The following NELL1 variants were observed in gnomAD, a reference collection of about 807,000 sequenced individuals.
The protein encoded by NELL1 is protein kinase C-binding protein NELL1.
A neutral mutation model predicts 107.4 loss-of-function variants in NELL1; 76 were observed. That is an observed-to-expected ratio of 0.71 (90% CI 0.59 to 0.86). The LOEUF is 0.86. NELL1 is among the 40% of genes least tolerant of loss of function. The pLI, the probability that NELL1 is intolerant of heterozygous loss-of-function variation, is 0.00. For missense variants in NELL1, 1,024 were observed against 1,005.5 expected, an observed-to-expected ratio of 1.02 and a Z score of -0.25; for synonymous variants, 353 against 341.2, an observed-to-expected ratio of 1.03 and a Z score of -0.38.
intron 3 of NELL1, among the ~76,000 whole-genome samples, chr11:20,807,194 T>G (rs1249401300): frequency 6.6e-6 from 1 of 152,142 alleles, no homozygotes; most frequent in Non-Finnish European, 1.5e-5. Context: ...TGTGAAGGCT[T>G]TCCAGGTATT....
At chr11:21,091,763 TA>T (rs1223502054) in intron 12 of NELL1, among the ~76,000 whole-genome samples, 1 of 152,070 alleles carries the variant, frequency 6.6e-6, no homozygotes, top group Non-Finnish European at 1.5e-5. Context: ...CCCCTGTGTT[TA>T]AAAAAAATTC....
chr11:20,957,500 A>G (rs149315043), intron 11 of NELL1, among the ~76,000 whole-genome samples: 127 of 152,366 alleles, frequency 8.3e-4, no homozygotes, highest in Middle Eastern at 3.4e-3. Context: ...GAGCTTACAG[A>G]TAAAAGAATA....
chr11:21,506,010 G>A (rs1326747208), intron 15 of NELL1, among the ~76,000 whole-genome samples: 1 of 152,164 alleles, frequency 6.6e-6, no homozygotes, highest in Non-Finnish European at 1.5e-5. Context: ...GCATGTCAGA[G>A]TCTCATAATA....
intron 12 of NELL1, among the ~76,000 whole-genome samples, chr11:20,981,972 C>T (rs1360752367): frequency 6.6e-6 from 1 of 151,870 alleles, no homozygotes; most frequent in Non-Finnish European, 1.5e-5. Flanking sequence ...CTCTCTCTCT[C>T]TCTCTCTCTT....
intron 12 of NELL1, among the ~76,000 whole-genome samples, chr11:20,967,767 T>G (rs1444995613): frequency 2.0e-5 from 3 of 152,168 alleles, no homozygotes; most frequent in Non-Finnish European, 4.4e-5. Context: ...TAAAGTGAGC[T>G]TTTTAAGTGT....
At chr11:21,039,128 T>C (rs927225128) in intron 12 of NELL1, among the ~76,000 whole-genome samples, 8 of 152,022 alleles carry the variant, frequency 5.3e-5, no homozygotes, top group Non-Finnish European at 1.2e-4. Context: ...GAAGGAGCTA[T>C]GTTTAAGGGA....
At chr11:21,536,934 C>T (rs1018241684) in intron 16 of NELL1, among the ~76,000 whole-genome samples, 15 of 152,104 alleles carry the variant, frequency 9.9e-5, no homozygotes, top group African/African-American at 2.9e-4. Context: ...CTGAAGGATG[C>T]GGTAAAATTC....
At chr11:20,793,858 T>A (rs1410812847) in intron 3 of NELL1, among the ~76,000 whole-genome samples, 2 of 152,108 alleles carry the variant, frequency 1.3e-5, no homozygotes, top group Admixed American at 6.6e-5. Context: ...AGTTGCAGAA[T>A]TTTTTTTCCT....
rs184010174 is a variant in NELL1 at position 21,081,518 on chromosome 11, C to T, written c.1301-32071C>T. 2.8e-4 allele frequency among the ~76,000 whole-genome samples: 43 copies of T among 152,202 alleles called. No individual in the cohort carries two copies. In the East Asian group the frequency reaches 8.1e-3, roughly 29 times the overall value. ...ACAAAATAGTGTGTCTTAAACTCAA[C>T]TTCTAACTTTCTACTCTAAATATAT... On this transcript the variant is annotated intron_variant, in intron 12 of 19. Transcript: ENST00000357134.
rs138739472 is a variant in NELL1 at position 20,862,534 on chromosome 11, C to G, written c.506+14781C>G. On this transcript the variant is annotated intron_variant, in intron 4 of 19. Coordinates refer to ENST00000357134, the MANE Select transcript of NELL1 (RefSeq NM_006157.5). ...CATTTGTGGGTTTTAACAAAGGTAT[C>G]GTGTCATCTATACAGCATCATAGTA... 5.1e-3 allele frequency among the ~76,000 whole-genome samples: 743 copies of G among 145,918 alleles called. 15 individuals carry two copies. The highest frequency in any genetic ancestry group is 0.036 in the Admixed American group (533 of 14,612).
intron 9 of NELL1, among the ~76,000 whole-genome samples, chr11:20,930,413 C>T (rs1462784485): frequency 6.6e-6 from 1 of 152,124 alleles, no homozygotes; most frequent in East Asian, 1.9e-4. Context: ...GCATAAATGT[C>T]ATTTTCATGA....
At chr11:21,082,779 C>T (rs1180108114) in intron 12 of NELL1, among the ~76,000 whole-genome samples, 2 of 152,190 alleles carry the variant, frequency 1.3e-5, no homozygotes, top group East Asian at 1.9e-4. Context: ...GTGTCTTAGT[C>T]TTCTTTGTTC....
chr11:20,720,076 C>T (rs536871388), intron 2 of NELL1, among the ~76,000 whole-genome samples: 1 of 152,206 alleles, frequency 6.6e-6, no homozygotes, highest in South Asian at 2.1e-4. Flanking sequence ...CTGCCCAAAG[C>T]CTTTTTCAGG....
At chr11:21,570,046 G>A (rs1038713859) in intron 17 of NELL1, among the ~76,000 whole-genome samples, 1 of 151,814 alleles carries the variant, frequency 6.6e-6, no homozygotes, top group African/African-American at 2.4e-5. Context: ...TACTCTTACT[G>A]CTTAAGTGCT....
At chr11:21,143,591 A>G (rs11025944) in intron 13 of NELL1, among the ~76,000 whole-genome samples, 22,032 of 152,162 alleles carry the variant, frequency 0.14, 1,667 homozygotes, top group Non-Finnish European at 0.17. Flanking sequence ...TCAAACATAA[A>G]TATATCACTT....
At chr11:21,079,321 C>G (rs1336681898) in intron 12 of NELL1, among the ~76,000 whole-genome samples, 3 of 151,954 alleles carry the variant, frequency 2.0e-5, no homozygotes, top group Admixed American at 1.3e-4. Context: ...TTTTAATGCA[C>G]CGTTCTCAGT....
chr11:21,518,905 C>G (rs1855641033), intron 15 of NELL1, among the ~76,000 whole-genome samples: 1 of 152,116 alleles, frequency 6.6e-6, no homozygotes, highest in Non-Finnish European at 1.5e-5. Context: ...ATAGAAATCT[C>G]AAGTAATTGT....
At chr11:20,944,578 C>T (rs995048116) in intron 10 of NELL1, among the ~76,000 whole-genome samples, 8 of 152,072 alleles carry the variant, frequency 5.3e-5, no homozygotes, top group African/African-American at 1.2e-4. Context: ...TGTATTTTTC[C>T]ACCAGCGCAG....
At chr11:21,286,920 C>T (rs1016805947) in intron 14 of NELL1, among the ~76,000 whole-genome samples, 1 of 152,150 alleles carries the variant, frequency 6.6e-6, no homozygotes, top group African/African-American at 2.4e-5. Flanking sequence ...TACCGCTACA[C>T]TTTTTTATCT....
Sources: gnomAD v4.1 joint callset for allele counts (sites outside exome capture counted in the v4.1 genomes callset) on GRCh38, gnomAD v4.1.1 for gene constraint, MANE v1.5 for transcripts, NCBI Gene and HGNC (gene_info 2026-07-23, HGNC 2026-07-21) for gene names.